B3GALT1: variants seen among roughly 807,000 people sequenced by gnomAD.
The protein encoded by B3GALT1 is UDP-Gal:betaGlcNAc beta 1,3-galactosyltransferase, polypeptide 1.
In B3GALT1, 10 loss-of-function variants were observed where a neutral mutation model predicts 23.2. The observed-to-expected ratio is 0.43, with a 90% CI of 0.27 to 0.73. The LOEUF is 0.73. B3GALT1 is among the 30% of genes least tolerant of loss of function. The probability of loss-of-function intolerance (pLI) is 0.21; values close to 1 mark genes in which losing one functional copy is unlikely to be tolerated. For synonymous variants in B3GALT1, 156 were observed against 141.5 expected (o/e 1.10, Z -0.73); for missense variants, 299 against 405.4 (o/e 0.74, Z 2.25).
chr2:167,853,906 A>G (rs1689952211), intron 4 of B3GALT1, among the ~76,000 whole-genome samples: 1 of 152,182 alleles, frequency 6.6e-6, no homozygotes, highest in Non-Finnish European at 1.5e-5. Context: ...ATCCAGGACA[A>G]GTTCACAAGA....
chr2:167,566,001 G>T (rs1274492644), intron 2 of B3GALT1, among the ~76,000 whole-genome samples: 1 of 151,998 alleles, frequency 6.6e-6, no homozygotes, highest in Non-Finnish European at 1.5e-5. Flanking sequence ...CCATGACTGG[G>T]TATATACCCA....
At chr2:167,825,874 T>G (rs66972395) in intron 4 of B3GALT1, among the ~76,000 whole-genome samples, 5,115 of 152,296 alleles carry the variant, frequency 0.034, 102 homozygotes, top group South Asian at 0.071. Flanking sequence ...ACTGTGAGGT[T>G]GCCAGGTGGT....
At position 167,674,844 on chromosome 2, in the gene B3GALT1, T is replaced by C. The variant is rs534028422; in HGVS notation, c.-352+27878T>C. Among the ~76,000 whole-genome samples, 115 of 152,342 alleles carry C rather than the reference T, an allele frequency of 7.5e-4. 2 individuals carry two copies. The South Asian group carries it at 0.024, about 31-fold the overall frequency. ...ATTAAATGTGATGAATAGTTGCATA[T>C]TTGTGATATGTATATAAAATATATT... On this transcript the variant is annotated intron_variant, in intron 3 of 4. Coordinates refer to ENST00000392690, the MANE Select transcript of B3GALT1 (RefSeq NM_020981.4).
intron 1 of B3GALT1, among the ~76,000 whole-genome samples, chr2:167,482,003 T>C (rs937458873): frequency 6.6e-5 from 10 of 152,152 alleles, no homozygotes; most frequent in African/African-American, 2.4e-4. Flanking sequence ...TAGAAAACAA[T>C]TAAAACATAT....
intron 2 of B3GALT1, among the ~76,000 whole-genome samples, chr2:167,608,309 G>A (rs1297803022): frequency 1.3e-5 from 2 of 152,164 alleles, no homozygotes; most frequent in South Asian, 4.2e-4. Context: ...CCCACGGGAG[G>A]CATTTTAGTT....
chr2:167,606,851 G>A (rs1684969895), intron 2 of B3GALT1, among the ~76,000 whole-genome samples: 1 of 152,082 alleles, frequency 6.6e-6, no homozygotes, highest in East Asian at 1.9e-4. Flanking sequence ...TTTGAAATAA[G>A]GATTTTGAAA....
intron 1 of B3GALT1, among the ~76,000 whole-genome samples, chr2:167,415,337 A>G (rs1260664097): frequency 2.6e-5 from 4 of 152,144 alleles, no homozygotes; most frequent in Non-Finnish European, 5.9e-5. Context: ...TCTGCAGGAA[A>G]TCCCCACAAG....
chr2:167,601,109 G>C lies in B3GALT1; in HGVS notation c.-409-45800G>C, dbSNP rs576004007. On this transcript the variant is annotated intron_variant, in intron 2 of 4. Coordinates refer to ENST00000392690, the MANE Select transcript of B3GALT1 (RefSeq NM_020981.4). ...GGAGTCTAGCTCTGTTGCCAGACTG[G>C]AGTGCAGTGGTGCAATCTCTGCTCA... Among the ~76,000 whole-genome samples the C allele has an allele frequency of 2.0e-5, 3 of 152,264 alleles. No individual in the cohort carries two copies. The South Asian group carries it at 6.2e-4, about 32-fold the overall frequency.
intron 4 of B3GALT1, among the ~76,000 whole-genome samples, chr2:167,834,503 T>A: frequency 6.6e-6 from 1 of 152,230 alleles, no homozygotes; most frequent in African/African-American, 2.4e-5. Context: ...ACTTCAGTTC[T>A]AGGTTAGATT....
At position 167,372,324 on chromosome 2, in the gene B3GALT1, G is replaced by C. The variant is rs1697698949; in HGVS notation, c.-511+78990G>C. 1.3e-5 allele frequency among the ~76,000 whole-genome samples: 2 copies of C among 152,022 alleles called. 1 individual carries two copies. Among genetic ancestry groups the C allele is most frequent in the African/African-American group, 4.8e-5 (2 of 41,420 alleles). ...ATTTTTTAAAAAATTTCATAAAACT[G>C]TCAGAAAACTGAAAATGGATGGAAG... On this transcript the variant is annotated intron_variant, in intron 1 of 4. Transcript: ENST00000392690.
At chr2:167,400,184 G>GTGTGTGTC (rs1698165185) in intron 1 of B3GALT1, among the ~76,000 whole-genome samples, 1 of 151,450 alleles carries the variant, frequency 6.6e-6, no homozygotes, top group African/African-American at 2.4e-5. Context: ...GTGTGTGTGT[G>GTGTGTGTC]TGTGTGTGTC....
At chr2:167,766,626 G>T (rs1687980880) in intron 3 of B3GALT1, among the ~76,000 whole-genome samples, 1 of 152,070 alleles carries the variant, frequency 6.6e-6, no homozygotes, top group African/African-American at 2.4e-5. Context: ...GAAACAAAAA[G>T]AATTCAGAAG....
intron 1 of B3GALT1, among the ~76,000 whole-genome samples, chr2:167,325,963 G>A (rs963422902): frequency 2.0e-5 from 3 of 151,848 alleles, no homozygotes; most frequent in African/African-American, 7.3e-5. Context: ...TGGTCCACCC[G>A]CCTTGGCCTC....
At chr2:167,413,529 A>G (rs1199918804) in intron 1 of B3GALT1, among the ~76,000 whole-genome samples, 4 of 151,966 alleles carry the variant, frequency 2.6e-5, no homozygotes, top group South Asian at 2.1e-4. Flanking sequence ...AATCCTATAT[A>G]TTTTGAAGCT....
chr2:167,349,638 C>T (rs1697279669), intron 1 of B3GALT1, among the ~76,000 whole-genome samples: 2 of 151,946 alleles, frequency 1.3e-5, no homozygotes, highest in East Asian at 1.9e-4. Context: ...GTTACAGCCA[C>T]AGTGCATGAT....
At chr2:167,708,078 T>C (rs1686991516) in intron 3 of B3GALT1, among the ~76,000 whole-genome samples, 2 of 152,152 alleles carry the variant, frequency 1.3e-5, no homozygotes, top group Non-Finnish European at 2.9e-5. Flanking sequence ...ATTTGTTAAG[T>C]TTATGGATTT....
intron 1 of B3GALT1, among the ~76,000 whole-genome samples, chr2:167,359,519 C>G (rs985283260): frequency 3.3e-5 from 5 of 152,154 alleles, no homozygotes; most frequent in Non-Finnish European, 5.9e-5. Context: ...CTAGGTGATT[C>G]TAATACAGGA....
intron 1 of B3GALT1, among the ~76,000 whole-genome samples, chr2:167,382,645 CACCTTGAAATTAA>C (rs1697861938): frequency 6.6e-6 from 1 of 152,188 alleles, no homozygotes; most frequent in Non-Finnish European, 1.5e-5. Flanking sequence ...GTGAACTACA[CACCTTGAAATTAA>C]ACTTGGTGAA....
chr2:167,584,183 T>C (rs1684542658), intron 2 of B3GALT1, among the ~76,000 whole-genome samples: 1 of 152,186 alleles, frequency 6.6e-6, no homozygotes. Flanking sequence ...GAGTAGAATA[T>C]AGCAGTTCTG....
Sources: allele counts gnomAD v4.1 joint callset (sites outside exome capture counted in the v4.1 genomes callset), GRCh38; gene constraint gnomAD v4.1.1; transcripts MANE v1.5; gene names NCBI Gene and HGNC (gene_info 2026-07-23, HGNC 2026-07-21).